The following MRPL45 variants were observed in gnomAD, a reference collection of about 807,000 sequenced individuals.
MRPL45 encodes the protein mitochondrial ribosomal protein L45, also known as large ribosomal subunit protein mL45.
Under a neutral mutation model 38.1 loss-of-function variants are expected in MRPL45, and 20 were observed. The observed-to-expected ratio is 0.53, with a 90% confidence interval of 0.37 to 0.76. MRPL45 has a LOEUF of 0.76. Among genes scored for constraint, MRPL45 ranks in the 30% least tolerant of loss-of-function variants. The pLI is 0.00. For missense variants in MRPL45, 337 were observed against 395.6 expected (o/e 0.85, Z 1.26); for synonymous variants, 105 against 128.8 (o/e 0.82, Z 1.25).
intron 5 of MRPL45, among the ~76,000 whole-genome samples, chr17:38,320,311 G>C (rs1211505594): frequency 6.6e-6 from 1 of 152,074 alleles, no homozygotes; most frequent in Non-Finnish European, 1.5e-5. Context: ...TGTATGGGAG[G>C]GATGTTGGTG....
At chr17:38,308,720 G>A (rs1488395818) in intron 4 of MRPL45, among the ~76,000 whole-genome samples, 23 of 151,978 alleles carry the variant, frequency 1.5e-4, no homozygotes, top group Non-Finnish European at 2.5e-4. Flanking sequence ...GATTACAGGC[G>A]TGAGCCAACG....
At chr17:38,319,438 G>A (rs1271225125) in intron 5 of MRPL45, among the ~76,000 whole-genome samples, 2 of 152,074 alleles carry the variant, frequency 1.3e-5, no homozygotes, top group Admixed American at 1.3e-4. Flanking sequence ...CAAAGTGCTG[G>A]GATTACAGGC....
chr17:38,298,722 G>C (rs928007167), intron 2 of MRPL45, 96 bp downstream of exon 2: 22 of 1,504,332 alleles, frequency 1.5e-5, no homozygotes, highest in Non-Finnish European at 1.8e-5. Flanking sequence ...ATTTAATTAA[G>C]CACGAAGTCA....
At position 38,320,681 on chromosome 17, in the gene MRPL45, T is replaced by G. The variant is rs758625208; in HGVS notation, c.574T>G (p.Ser192Ala). The G allele has an allele frequency of 5.0e-6, 8 of 1,614,034 alleles. No homozygotes were observed. The highest frequency in any genetic ancestry group is 6.8e-6 in the Non-Finnish European group (8 of 1,180,024). The change falls in exon 6 of 8, where the codon TCT (serine) becomes GCT (alanine). Residue 192 changes from serine (S) to alanine (A), a missense_variant. This residue lies in a region of MRPL45 where 251 missense variants were observed against 269.1 expected (regional missense o/e 0.93). Transcript: ENST00000613675. The part of the protein sequence containing the change: ...RWSFVESLEP[S>A]HVVQVRCSSM... ...GAGCTTTGTGGAATCTTTAGAGCCC[T>G]CTCATGTTGTTCAAGTTCGCTGTTC...
At chr17:38,320,052 G>A (rs1034411565) in intron 5 of MRPL45, among the ~76,000 whole-genome samples, 1 of 152,144 alleles carries the variant, frequency 6.6e-6, no homozygotes, top group Admixed American at 6.5e-5. Flanking sequence ...GCAGTGAGCC[G>A]AGACCGCGCC....
At position 38,322,706 on chromosome 17, in the gene MRPL45, T is replaced by C. The variant is rs2037244243; in HGVS notation, c.*111T>C. The C allele has an allele frequency of 9.9e-6, 8 of 804,082 alleles. No individual in the cohort carries two copies. The highest frequency in any genetic ancestry group is 1.6e-5 in the Non-Finnish European group (8 of 509,888). The allele number at this position is 804,082 out of a possible 1,614,324, so 49.8% of individuals were successfully genotyped here. On this transcript the variant is annotated 3_prime_UTR_variant, in exon 8 of 8. Coordinates refer to ENST00000613675, the MANE Select transcript of MRPL45 (RefSeq NM_032351.6). ...GAACTACCTTTGTTCTCTCCCATCC[T>C]GCTCAGGTCTTTTCAGCAGTCTCAT...
In MRPL45 at chr17:38,322,522, C is replaced by T. The variant is rs1184615929; in HGVS notation, c.848C>T (p.Pro283Leu). ...CTACTCTTTCAGACGGTGATGATCC[C>T]TGGCCCTCAGCTGAAACCAGAAGAA... Reference protein sequence around the residue: ...KQPILKTVMIPGPQLKPEEEY... With the variant: ...KQPILKTVMILGPQLKPEEEY... Residue 283 changes from proline (P) to leucine (L), a missense_variant, in exon 8 of 8, where the codon CCT becomes CTT. By Grantham distance (98) the Pro-to-Leu change is moderately conservative. This residue lies in a region of MRPL45 where 251 missense variants were observed against 269.1 expected (regional missense o/e 0.93). Coordinates refer to ENST00000613675, the MANE Select transcript of MRPL45 (RefSeq NM_032351.6). 2 of 1,613,410 alleles carry T rather than the reference C, an allele frequency of 1.2e-6. No individual in the cohort carries two copies. The highest frequency in any genetic ancestry group is 1.3e-5 in the African/African-American group (1 of 74,880).
intron 3 of MRPL45, among the ~76,000 whole-genome samples, chr17:38,305,682 AC>A (rs1429047081): frequency 7.2e-6 from 1 of 138,414 alleles, no homozygotes; most frequent in Non-Finnish European, 1.5e-5. Flanking sequence ...TCGCTCTGTG[AC>A]CCAGGCTGGA....
intron 4 of MRPL45, among the ~76,000 whole-genome samples, chr17:38,313,348 G>GTATATA (rs1194428266): frequency 2.2e-4 from 4 of 18,078 alleles, no homozygotes; most frequent in Admixed American, 1.4e-3. Flanking sequence ...ATATATATAC[G>GTATATA]TATATATATA....
chr17:38,300,369 G>A (rs533523959), intron 3 of MRPL45, among the ~76,000 whole-genome samples: 6 of 152,042 alleles, frequency 3.9e-5, no homozygotes, highest in African/African-American at 1.4e-4. Context: ...TCACTATGTT[G>A]CCCAGGCTGG....
intron 4 of MRPL45, among the ~76,000 whole-genome samples, chr17:38,313,885 A>C (rs1017867892): frequency 6.6e-6 from 1 of 151,220 alleles, no homozygotes; most frequent in African/African-American, 2.4e-5. Flanking sequence ...CTGGTCTCGA[A>C]CTCCTGACCT....
intron 3 of MRPL45, among the ~76,000 whole-genome samples, chr17:38,303,586 G>A (rs981325478): frequency 6.6e-5 from 10 of 152,106 alleles, no homozygotes; most frequent in South Asian, 2.1e-4. Flanking sequence ...GAGCCACCAC[G>A]CCCTGCAACA....
intron 5 of MRPL45, 147 bp from the exon 6 acceptor site, chr17:38,320,471 C>A: frequency 2.5e-6 from 2 of 784,550 alleles, no homozygotes; most frequent in Non-Finnish European, 4.1e-6. Flanking sequence ...TGAGAAGGTG[C>A]AAGAGAAAAT....
chr17:38,321,565 C>CCCA (rs1324258882), intron 6 of MRPL45, among the ~76,000 whole-genome samples: 1 of 152,052 alleles, frequency 6.6e-6, no homozygotes, highest in Non-Finnish European at 1.5e-5. Context: ...ATGGTGTGTG[C>CCCA]CCGTAGTCCC....
At position 38,320,323 on chromosome 17, in the gene MRPL45, ATT is replaced by A. The variant is rs540379415; in HGVS notation, c.511-294_511-293del. Among the ~76,000 whole-genome samples the A allele has an allele frequency of 1.5e-3, 224 of 152,260 alleles. 2 individuals are homozygous for A. The highest frequency in any genetic ancestry group is 5.3e-3 in the African/African-American group (222 of 41,558). On this transcript the variant is annotated intron_variant, in intron 5 of 7. Coordinates refer to ENST00000613675, the MANE Select transcript of MRPL45 (RefSeq NM_032351.6). ...AAGTGTATGGGAGGGATGTTGGTGT[ATT>A]GGGCATGCTGGCAGTTTGGAATGTG...
chr17:38,319,658 G>T (rs534669278), intron 5 of MRPL45, among the ~76,000 whole-genome samples: 1 of 152,128 alleles, frequency 6.6e-6, no homozygotes, highest in African/African-American at 2.4e-5. Context: ...CTTGGATATG[G>T]GCCATACTAG....
intron 4 of MRPL45, among the ~76,000 whole-genome samples, chr17:38,308,659 T>A (rs2037077717): frequency 6.8e-6 from 1 of 147,106 alleles, no homozygotes; most frequent in Non-Finnish European, 1.5e-5. Flanking sequence ...AGGCTGGTCT[T>A]GAACTCCTGA....
At chr17:38,308,143 T>C (rs2037072739) in intron 4 of MRPL45, among the ~76,000 whole-genome samples, 1 of 152,146 alleles carries the variant, frequency 6.6e-6, no homozygotes, top group African/African-American at 2.4e-5. Flanking sequence ...ATTTTTTTTT[T>C]TCCCCCTTTT....
At chr17:38,316,725 A>G (rs1277265465) in intron 4 of MRPL45, among the ~76,000 whole-genome samples, 1 of 112,468 alleles carries the variant, frequency 8.9e-6, no homozygotes, top group Non-Finnish European at 1.7e-5. Flanking sequence ...GCTGGAGGGC[A>G]GTGGTGCAAT....
Sources: allele counts gnomAD v4.1 joint callset (sites outside exome capture counted in the v4.1 genomes callset), GRCh38; gene constraint gnomAD v4.1.1; regional missense constraint gnomAD v4.1.1; transcripts MANE v1.5; gene names NCBI Gene and HGNC (gene_info 2026-07-23, HGNC 2026-07-21).